EYS: variants seen among roughly 807,000 people sequenced by gnomAD.
EYS encodes EGF-like photoreceptor maintenance factor, also known as protein eyes shut homolog.
Under a neutral mutation model 282.1 loss-of-function variants are expected in EYS, and 250 were observed. The observed-to-expected ratio is 0.89, with a 90% CI of 0.80 to 0.98. The LOEUF is 0.98. Among genes scored for constraint, EYS ranks in the 50% least tolerant of loss-of-function variants. EYS has a pLI of 0.00. For synonymous variants in EYS, 1,355 were observed against 1,282.9 expected (o/e 1.06, Z -1.20); for missense variants, 4,016 against 3,709.0 (o/e 1.08, Z -2.15).
At chr6:64,098,742 A>T (rs1772722384) in intron 31 of EYS, among the ~76,000 whole-genome samples, 1 of 151,786 alleles carries the variant, frequency 6.6e-6, no homozygotes, top group African/African-American at 2.4e-5. Flanking sequence ...CTGGGACTAG[A>T]GGTGTGTGCC....
chr6:64,941,854 C>G (rs1769101748), intron 15 of EYS, among the ~76,000 whole-genome samples: 1 of 152,112 alleles, frequency 6.6e-6, no homozygotes, highest in Non-Finnish European at 1.5e-5. Context: ...TTTATGCAAT[C>G]CCATGTTGAT....
In EYS at chr6:65,371,000, G is replaced by GA. The variant is rs199688286; in HGVS notation, c.1299+13385dup. ...GAAGCCAGATGGCAATAATTGTCAA[G>GA]AAAAAAAAAACACAGAAAGTGGAGA... is the stretch of plus-strand genomic sequence containing the variant. On this transcript the variant is annotated intron_variant, in intron 8 of 42. Transcript: ENST00000503581. Among the ~76,000 whole-genome samples, 918 of 148,436 alleles carry GA rather than the reference G, an allele frequency of 6.2e-3. 17 individuals carry two copies. The highest frequency in any genetic ancestry group is 0.021 in the African/African-American group (853 of 40,768).
intron 12 of EYS, among the ~76,000 whole-genome samples, chr6:65,175,231 T>C (rs1424683955): frequency 2.0e-5 from 3 of 151,326 alleles, no homozygotes; most frequent in African/African-American, 7.3e-5. Flanking sequence ...TGAATTTGGA[T>C]CTACTGAGTT....
At position 64,692,476 on chromosome 6, in the gene EYS, G is replaced by A. The variant is rs148943273; in HGVS notation, c.3444-66231C>T. On this transcript the variant is annotated intron_variant, in intron 22 of 42. Transcript: ENST00000503581. ...AGAAGCTCTTTAGTTTAATTCACTT[G>A]CGCTTATCTAGATATTTTTGTTTTC... Among the ~76,000 whole-genome samples the A allele has an allele frequency of 7.0e-3, 1,072 of 152,136 alleles. 11 individuals are homozygous for A. The highest frequency in any genetic ancestry group is 0.024 in the African/African-American group (1,007 of 41,534).
At chr6:64,592,070 A>G (rs937543023) in intron 25 of EYS, 81 bp from the exon 26 acceptor site, 48 of 938,868 alleles carry the variant, frequency 5.1e-5, no homozygotes, top group Non-Finnish European at 7.2e-5. Flanking sequence ...AATCTCAGGC[A>G]AATTGCACTG....
chr6:63,944,916 G>A (rs761441308), intron 35 of EYS, among the ~76,000 whole-genome samples: 1 of 151,878 alleles, frequency 6.6e-6, no homozygotes, highest in Non-Finnish European at 1.5e-5. Flanking sequence ...CCTGTGTGAT[G>A]GGAGCAAGAC....
intron 41 of EYS, among the ~76,000 whole-genome samples, chr6:63,745,917 C>G (rs1269943417): frequency 2.0e-5 from 3 of 152,166 alleles, no homozygotes; most frequent in Non-Finnish European, 4.4e-5. Context: ...AGAGCATGCT[C>G]TCTCTCTGTG....
intron 31 of EYS, among the ~76,000 whole-genome samples, chr6:64,129,943 T>C (rs1039236814): frequency 6.6e-6 from 1 of 152,156 alleles, no homozygotes; most frequent in African/African-American, 2.4e-5. Context: ...TAGTTGTAGA[T>C]ATGTGGCATT....
intron 12 of EYS, among the ~76,000 whole-genome samples, chr6:65,269,986 C>G (rs1416553113): frequency 6.6e-6 from 1 of 152,014 alleles, no homozygotes; most frequent in African/African-American, 2.4e-5. Context: ...CTTAACAGCC[C>G]CAAAAGTTAA....
At chr6:65,297,119 TATA>T (rs1248419679) in intron 11 of EYS, among the ~76,000 whole-genome samples, 5 of 151,340 alleles carry the variant, frequency 3.3e-5, no homozygotes, top group South Asian at 2.1e-4. Context: ...ATCATTTTAA[TATA>T]ATAATACATT....
At chr6:64,035,930 T>G (rs1385304229) in intron 33 of EYS, among the ~76,000 whole-genome samples, 2 of 152,214 alleles carry the variant, frequency 1.3e-5, no homozygotes, top group Non-Finnish European at 2.9e-5. Flanking sequence ...CTCTGAAGTT[T>G]TGGTTTGGAA....
chr6:65,301,332 A>G (rs1314944957), intron 11 of EYS, among the ~76,000 whole-genome samples: 1 of 152,226 alleles, frequency 6.6e-6, no homozygotes, highest in African/African-American at 2.4e-5. Flanking sequence ...CGTCTCTACC[A>G]AAGATATAAG....
intron 2 of EYS, among the ~76,000 whole-genome samples, chr6:65,634,466 C>T (rs1305783657): frequency 2.0e-5 from 3 of 152,168 alleles, no homozygotes; most frequent in African/African-American, 7.2e-5. Context: ...CCTTTATCTA[C>T]ACCCACTCCC....
intron 28 of EYS, chr6:64,400,179 T>C (rs911117593): frequency 1.3e-5 from 2 of 152,052 alleles, no homozygotes; most frequent in African/African-American, 4.8e-5. Flanking sequence ...TTCTATTCAT[T>C]GTCACAGAAG....
At chr6:64,337,647 A>G (rs1230594403) in intron 29 of EYS, among the ~76,000 whole-genome samples, 1 of 151,998 alleles carries the variant, frequency 6.6e-6, no homozygotes, top group African/African-American at 2.4e-5. Context: ...GCATCATCTT[A>G]ATCCCAAAAC....
At chr6:64,707,125 A>T (rs1412339359) in intron 22 of EYS, among the ~76,000 whole-genome samples, 1 of 101,384 alleles carries the variant, frequency 9.9e-6, no homozygotes, top group Non-Finnish European at 2.3e-5. Flanking sequence ...ACACACACAC[A>T]CACACATATA....
chr6:64,820,790 T>TAC, intron 21 of EYS, among the ~76,000 whole-genome samples: 1 of 152,122 alleles, frequency 6.6e-6, no homozygotes, highest in Admixed American at 6.6e-5. Context: ...TGCATTTAAC[T>TAC]ACTCCATCAC....
intron 5 of EYS, among the ~76,000 whole-genome samples, chr6:65,446,882 A>G (rs528068451): frequency 6.6e-6 from 1 of 151,916 alleles, no homozygotes; most frequent in African/African-American, 2.4e-5. Flanking sequence ...TTAATTCTTA[A>G]AACTTTATGA....
At chr6:64,651,287 T>G (rs1037156607) in intron 22 of EYS, among the ~76,000 whole-genome samples, 1 of 152,214 alleles carries the variant, frequency 6.6e-6, no homozygotes, top group Non-Finnish European at 1.5e-5. Context: ...AGAAATATTA[T>G]AGTCTACAGT....
Sources: allele counts gnomAD v4.1 joint callset (sites outside exome capture counted in the v4.1 genomes callset), GRCh38; gene constraint gnomAD v4.1.1; transcripts MANE v1.5; gene names NCBI Gene and HGNC (gene_info 2026-07-23, HGNC 2026-07-21).